DCTN5: variants seen among roughly 807,000 people sequenced by gnomAD.
The protein encoded by DCTN5 is dynactin subunit 5.
In DCTN5, 14 loss-of-function variants were observed where a neutral mutation model predicts 23.5. The observed-to-expected ratio is 0.60, with a 90% CI of 0.39 to 0.93. The LOEUF is 0.93. Ranked by LOEUF, DCTN5 falls within the 40% of genes least tolerant of loss-of-function variation. The pLI, the probability that DCTN5 is intolerant of heterozygous loss-of-function variation, is 0.00. For synonymous variants in DCTN5, 67 were observed against 79.6 expected (o/e 0.84, Z 0.84); for missense variants, 156 against 225.9 (o/e 0.69, Z 1.98).
chr16:23,655,152 A>T (rs1967679282), intron 2 of DCTN5, among the ~76,000 whole-genome samples: 1 of 152,194 alleles, frequency 6.6e-6, no homozygotes, highest in Admixed American at 6.5e-5. Context: ...ATATAGTAGC[A>T]GATTATTATT....
rs1444615432 is a variant in DCTN5, at chr16:23,674,995, C to T, written c.*7851C>T. 1 of 152,088 alleles carries T rather than the reference C, an allele frequency of 6.6e-6. No homozygotes were observed. The highest frequency in any genetic ancestry group is 1.5e-5 in the Non-Finnish European group (1 of 68,026). The allele number at this position is 152,088 out of a possible 1,614,324, so 9.4% of individuals were successfully genotyped here. Reference sequence around the variant, plus strand: ...CCACTCAGGTTGGATTAGGGCCCATCCTAACAATCCCATTTTAACTTAGTT... The same window carrying T: ...CCACTCAGGTTGGATTAGGGCCCATTCTAACAATCCCATTTTAACTTAGTT... On this transcript the variant is annotated 3_prime_UTR_variant, in exon 6 of 6. Transcript: ENST00000300087.
In DCTN5 at chr16:23,650,881, T is replaced by C. The variant is rs1455785520; in HGVS notation, c.118-7626T>C. The C allele has an allele frequency of 4.3e-6, 6 of 1,409,210 alleles. No homozygotes were observed. In the South Asian group the frequency reaches 6.1e-5, roughly 14 times the overall value. The allele number at this position is 1,409,210 out of a possible 1,614,324, so 87.3% of individuals were successfully genotyped here. A position where few individuals can be genotyped will look rare whatever the true frequency, so the allele number is the denominator to read the frequency against. Reference sequence around the variant, plus strand: ...ATAGAGAGTGGTGGGGCCTGGTGAATTGGAGAATGTGACCAATCTAAGCCC... The same window carrying C: ...ATAGAGAGTGGTGGGGCCTGGTGAACTGGAGAATGTGACCAATCTAAGCCC... On this transcript the variant is annotated intron_variant, in intron 2 of 5. Transcript: ENST00000300087.
chr16:23,672,582 A>T lies in DCTN5; in HGVS notation c.*5438A>T, dbSNP rs1339806970. On this transcript the variant is annotated 3_prime_UTR_variant, in exon 6 of 6. Coordinates refer to ENST00000300087, the MANE Select transcript of DCTN5 (RefSeq NM_032486.4). ...AGGACTTGCCAGACAAACAAGGCCC[A>T]AGAGGCAAGTGTGCAGGTGGGTGTA... The T allele has an allele frequency of 6.6e-6, 1 of 152,278 alleles. No homozygotes were observed. Among genetic ancestry groups the T allele is most frequent in the Non-Finnish European group, 1.5e-5 (1 of 68,054 alleles). 9.4% of individuals were successfully genotyped at this position (152,278 alleles called of 1,614,324 possible).
chr16:23,650,727 C>A, intron 2 of DCTN5: 1 of 1,530,646 alleles, frequency 6.5e-7, no homozygotes. Context: ...ATGAACAATC[C>A]ATTTATATTT....
intron 2 of DCTN5, among the ~76,000 whole-genome samples, chr16:23,645,813 T>C (rs1277327101): frequency 1.3e-5 from 2 of 152,230 alleles, no homozygotes; most frequent in Admixed American, 1.3e-4. Flanking sequence ...TTCTACCCTT[T>C]GGCTATTGGG....
chr16:23,665,515 C>T (rs979668428), intron 4 of DCTN5, 111 bp from the exon 5 acceptor site: 70 of 1,013,466 alleles, frequency 6.9e-5, no homozygotes, highest in Non-Finnish European at 9.2e-5. Context: ...TGCAACCAAC[C>T]CTCTTGTCAC....
chr16:23,657,227 G>A (rs2140982069), intron 2 of DCTN5, among the ~76,000 whole-genome samples: 1 of 152,282 alleles, frequency 6.6e-6, no homozygotes, highest in African/African-American at 2.4e-5. Context: ...CAAAGTTGGA[G>A]GATTGATTGC....
At chr16:23,661,487 A>G (rs1272128598) in intron 4 of DCTN5, among the ~76,000 whole-genome samples, 5 of 151,090 alleles carry the variant, frequency 3.3e-5, no homozygotes, top group Non-Finnish European at 5.9e-5. Context: ...GGGAGGTTGA[A>G]GTGGGCAGAT....
intron 4 of DCTN5, 85 bp from the exon 5 acceptor site, chr16:23,665,541 C>A: frequency 7.8e-7 from 1 of 1,287,400 alleles, no homozygotes; most frequent in Non-Finnish European, 1.1e-6. Flanking sequence ...CTGGCTATTA[C>A]ATGGTATCAT....
In DCTN5 at chr16:23,669,392, G is replaced by A. The variant is rs192837481; in HGVS notation, c.*2248G>A. 2 of 152,402 alleles carry A rather than the reference G, an allele frequency of 1.3e-5. No individual in the cohort carries two copies. Among genetic ancestry groups the A allele is most frequent in the East Asian group, 3.9e-4 (2 of 5,188 alleles). The allele number at this position is 152,402 out of a possible 1,614,324, so 9.4% of individuals were successfully genotyped here. Reference sequence around the variant, plus strand: ...TGGCTTTATTCTTGGGCTTCACAGTGTGGCCCCACAGCACCAGTTATTGAT... The same window carrying A: ...TGGCTTTATTCTTGGGCTTCACAGTATGGCCCCACAGCACCAGTTATTGAT... On this transcript the variant is annotated 3_prime_UTR_variant, in exon 6 of 6. Transcript: ENST00000300087.
At chr16:23,642,287 G>T (rs1402935168) in intron 1 of DCTN5, among the ~76,000 whole-genome samples, 2 of 152,278 alleles carry the variant, frequency 1.3e-5, no homozygotes, top group East Asian at 1.9e-4. Flanking sequence ...TGGAAACAGG[G>T]CAAGTGGTCA....
At chr16:23,650,951 A>G in intron 2 of DCTN5, 1 of 1,453,866 alleles carries the variant, frequency 6.9e-7, no homozygotes, top group Non-Finnish European at 9.2e-7. Flanking sequence ...CGTGGCAACA[A>G]TCAGCTTTCC....
Position 23,670,800 on chromosome 16 carries a change from G to A in DCTN5, c.*3656G>A, listed in dbSNP as rs1967993134. On this transcript the variant is annotated 3_prime_UTR_variant, in exon 6 of 6. Coordinates refer to ENST00000300087, the MANE Select transcript of DCTN5 (RefSeq NM_032486.4). ...CACTTCTAGAGCCCCCCAGCAATGG[G>A]CTTGTGCTTTTAGTAGAATATGTGC... The A allele has an allele frequency of 6.6e-6, 1 of 152,214 alleles. No homozygotes were observed. The highest frequency in any genetic ancestry group is 2.4e-5 in the African/African-American group (1 of 41,444). The allele number at this position is 152,214 out of a possible 1,614,324, so 9.4% of individuals were successfully genotyped here. A position where few individuals can be genotyped will look rare whatever the true frequency, so the allele number is the denominator to read the frequency against.
intron 2 of DCTN5, chr16:23,651,252 C>T: frequency 1.0e-6 from 1 of 972,496 alleles, no homozygotes; most frequent in Non-Finnish European, 1.2e-6. Flanking sequence ...AGGGCAGCCA[C>T]CTCCTTTCAT....
At chr16:23,654,491 G>A (rs945129489) in intron 2 of DCTN5, among the ~76,000 whole-genome samples, 19 of 152,056 alleles carry the variant, frequency 1.2e-4, no homozygotes, top group Admixed American at 9.8e-4. Context: ...GGAAAGGATC[G>A]GGAAAAATAA....
At chr16:23,644,866 C>T (rs1477385464) in intron 2 of DCTN5, among the ~76,000 whole-genome samples, 3 of 150,556 alleles carry the variant, frequency 2.0e-5, no homozygotes, top group Non-Finnish European at 3.0e-5. Context: ...CCACAACCTC[C>T]GCCTCTTGGC....
chr16:23,656,432 CTT>C (rs1345390678), intron 2 of DCTN5, among the ~76,000 whole-genome samples: 1 of 152,110 alleles, frequency 6.6e-6, no homozygotes, highest in Non-Finnish European at 1.5e-5. Context: ...TCTTAAGTCT[CTT>C]TTAATCTGTA....
In DCTN5 at chr16:23,672,789, C is replaced by T. The variant is rs1252590066; in HGVS notation, c.*5645C>T. On this transcript the variant is annotated 3_prime_UTR_variant, in exon 6 of 6. Coordinates refer to ENST00000300087, the MANE Select transcript of DCTN5 (RefSeq NM_032486.4). The stretch of plus-strand genomic sequence containing the variant: ...TAGTATTACTGTTACTGATAACATA[C>T]AAATAGATTGTATTAATGGACCATA... 1 of 152,164 alleles carries T rather than the reference C, an allele frequency of 6.6e-6. No homozygotes were observed. Among genetic ancestry groups the T allele is most frequent in the Non-Finnish European group, 1.5e-5 (1 of 68,036 alleles). 9.4% of individuals were successfully genotyped at this position (152,164 alleles called of 1,614,324 possible). A position where few individuals can be genotyped will look rare whatever the true frequency, so the allele number is the denominator to read the frequency against.
chr16:23,658,512 T>G lies in DCTN5; in HGVS notation c.123T>G (p.Ile41Met), dbSNP rs748329349. The G allele has an allele frequency of 8.1e-6, 13 of 1,612,954 alleles. No homozygotes were observed. Among genetic ancestry groups the G allele is most frequent in the Admixed American group, 1.7e-5 (1 of 60,024 alleles). The change falls in exon 3 of 6, where the codon ATT becomes ATG. Residue 41 changes from isoleucine to methionine, a missense_variant. Physicochemically the swap from Ile to Met is conservative, Grantham distance 10. This residue lies in a region of DCTN5 where 153 missense variants were observed against 206.8 expected (regional missense o/e 0.74). Transcript: ENST00000300087. ...AAATTTGCTTCGTCTTACAGACCAT[T>G]GTGATGAATGACTGTATTATCCGAG... Reference protein sequence around the residue: ...SQNIVLNGKTIVMNDCIIRGD... With the variant: ...SQNIVLNGKTMVMNDCIIRGD...
Sources: allele counts gnomAD v4.1 joint callset (sites outside exome capture counted in the v4.1 genomes callset), GRCh38; gene constraint gnomAD v4.1.1; regional missense constraint gnomAD v4.1.1; transcripts MANE v1.5; gene names NCBI Gene and HGNC (gene_info 2026-07-23, HGNC 2026-07-21).